Variants in CACNA1H observed in about 807,000 individuals in gnomAD.
CACNA1H encodes calcium voltage-gated channel subunit alpha1 H.
CACNA1H carries 149 observed loss-of-function variants against 192.5 expected under a neutral mutation model. The ratio of observed to expected loss-of-function variants is 0.77; its 90% CI spans 0.68 to 0.89. The LOEUF (loss-of-function observed/expected upper bound fraction) is 0.89, where lower values mean the gene tolerates loss of function less well. Among genes scored for constraint, CACNA1H ranks in the 40% least tolerant of loss-of-function variants. The pLI is 0.00. For synonymous variants in CACNA1H, 2,202 were observed against 1,475.2 expected, an observed-to-expected ratio of 1.49 and a Z score of -11.29; for missense variants, 4,257 against 3,423.5, an observed-to-expected ratio of 1.24 and a Z score of -6.08.
chr16:1,180,661 G>A lies in CACNA1H; in HGVS notation c.300-14311G>A, dbSNP rs1011589242. On this transcript the variant is annotated intron_variant, in intron 2 of 34. Coordinates refer to ENST00000348261, the MANE Select transcript of CACNA1H (RefSeq NM_021098.3). This position sits in a 1 kb window ranked among gnomAD's most constrained non-coding sequence, Gnocchi z 4.4. Reference sequence around the variant, plus strand: ...GCCTTGGCTTTCCCGGGGCAGGTAGGGAGGGGCCTGGGCAGGGCGGGGCAG... The same window carrying A: ...GCCTTGGCTTTCCCGGGGCAGGTAGAGAGGGGCCTGGGCAGGGCGGGGCAG... 5.3e-5 allele frequency among the ~76,000 whole-genome samples: 8 copies of A among 152,154 alleles called. No homozygotes were observed. Among genetic ancestry groups the A allele is most frequent in the African/African-American group, 1.9e-4 (8 of 41,426 alleles).
chr16:1,217,885 C>T (rs1304135254), intron 31 of CACNA1H, 34 bp from the exon 32 acceptor site: 4 of 1,570,710 alleles, frequency 2.5e-6, no homozygotes, highest in Non-Finnish European at 3.5e-6. Flanking sequence ...CCGGAGCGGG[C>T]TCGGCTGACC....
Position 1,195,992 on chromosome 16 carries a change from G to C in CACNA1H, c.612G>C (p.Leu204=). 6.2e-7 allele frequency: 1 copy of C among 1,613,026 alleles called. No homozygotes were observed. Among genetic ancestry groups the C allele is most frequent in the Non-Finnish European group, 8.5e-7 (1 of 1,179,812 alleles). The change falls in exon 5 of 35, where the codon CTG becomes CTC. Residue 204 remains leucine (L), a synonymous_variant. Transcript: ENST00000348261. The part of the protein sequence containing the change: ...SLSAIRTVRV[L]RPLRAINRVP... ...CGGCTATCAGGACCGTGCGGGTGCTGCGGCCCCTCCGCGCCATCAACCGCG... is the reference window on the plus strand; with the variant it reads ...CGGCTATCAGGACCGTGCGGGTGCTCCGGCCCCTCCGCGCCATCAACCGCG...
intron 30 of CACNA1H, 85 bp from the exon 31 acceptor site, chr16:1,216,847 T>A (rs1029773059): frequency 1.8e-6 from 2 of 1,089,316 alleles, no homozygotes; most frequent in Non-Finnish European, 2.7e-6. Context: ...TGGGGTCTGG[T>A]GGCCGAGGCG....
Position 1,210,884 on chromosome 16 carries a change from T to C in CACNA1H, c.4136T>C (p.Ile1379Thr), listed in dbSNP as rs1969361644. ...GLLVLVSLVDIVVAMASAGGA... is the reference protein window; with the variant it reads ...GLLVLVSLVDTVVAMASAGGA... The stretch of plus-strand genomic sequence containing the variant: ...CTGGTGCTGGTGTCCCTGGTGGACA[T>C]TGTCGTGGCCATGGCCTCGGCTGGT... Residue 1379 changes from isoleucine to threonine, a missense_variant, in exon 21 of 35, where the codon ATT becomes ACT. Transcript: ENST00000348261. 6.2e-7 allele frequency: 1 copy of C among 1,605,428 alleles called. No homozygotes were observed. Among genetic ancestry groups the C allele is most frequent in the Non-Finnish European group, 8.5e-7 (1 of 1,179,714 alleles).
chr16:1,210,348 T>TCCCCCCCCC, intron 18 of CACNA1H, 22 bp from the exon 19 acceptor site: 15 of 277,474 alleles, frequency 5.4e-5, no homozygotes, highest in East Asian at 2.0e-4. Flanking sequence ...GCCCCACCTC[T>TCCCCCCCCC]CACCCGCCCC....
rs1313247616 is a variant in CACNA1H at position 1,202,002 on chromosome 16, G to A, written c.1552G>A (p.Val518Ile). The stretch of plus-strand genomic sequence containing the variant: ...GCACACAGCCTCGGTGCACCACCTG[G>A]TCTACCACCACCATCACCACCACCA... The part of the protein sequence containing the change: ...GRHTASVHHL[V>I]YHHHHHHHHH... Residue 518 changes from valine (V) to isoleucine (I), a missense_variant, in exon 9 of 35, where the codon GTC becomes ATC. Physicochemically the swap from Val to Ile is conservative, Grantham distance 29 (BLOSUM62 3). Transcript: ENST00000348261. 4 of 1,538,810 alleles carry A rather than the reference G, an allele frequency of 2.6e-6. No individual in the cohort carries two copies. The highest frequency in any genetic ancestry group is 3.5e-6 in the Non-Finnish European group (4 of 1,143,720).
Position 1,215,559 on chromosome 16 carries a change from C to T in CACNA1H, c.5210C>T (p.Ala1737Val). 2 of 1,611,896 alleles carry T rather than the reference C, an allele frequency of 1.2e-6. No homozygotes were observed. The highest frequency in any genetic ancestry group is 1.7e-6 in the Non-Finnish European group (2 of 1,179,568). Residue 1737 changes from alanine to valine, a missense_variant, in exon 30 of 35, where the codon GCC becomes GTC. Transcript: ENST00000348261. ...CTGAAGATGGCTACGGGCATGCGCG[C>T]CCTGCTGGACACTGTGGTGCAAGCT... ...KLLKMATGMRALLDTVVQALP... is the reference protein window; with the variant it reads ...KLLKMATGMRVLLDTVVQALP...
Position 1,188,199 on chromosome 16 carries a change from G to A in CACNA1H, c.300-6773G>A, listed in dbSNP as rs149116119. Among the ~76,000 whole-genome samples the A allele has an allele frequency of 3.3e-5, 5 of 152,324 alleles. No homozygotes were observed. The East Asian group carries it at 5.8e-4, about 18-fold the overall frequency. ...CGGGGAGGCCCTGGCCCCAGGATAC[G>A]TGAGCCAGCGGGTCTGGGCGGTCCT... On this transcript the variant is annotated intron_variant, in intron 2 of 34. Transcript: ENST00000348261.
chr16:1,220,953 G>A lies in CACNA1H; in HGVS notation c.7021G>A (p.Ala2341Thr). ...TCTGGAGAAACCAGGGTCCCCCTCA[G>A]CCACCCCTGCCCCAGGGGGTGGTGC... ...CPLEKPGSPS[A>T]TPAPGGGADD... Residue 2341 changes from alanine (A) to threonine (T), a missense_variant, in exon 35 of 35, where the codon GCC becomes ACC. Transcript: ENST00000348261. The A allele has an allele frequency of 6.2e-7, 1 of 1,606,402 alleles. No homozygotes were observed.
chr16:1,161,489 T>C (rs1415467272), intron 2 of CACNA1H, among the ~76,000 whole-genome samples: 3 of 152,130 alleles, frequency 2.0e-5, no homozygotes, highest in Admixed American at 1.3e-4. Flanking sequence ...AGGTGGTCTT[T>C]AGTAGCCCCA....
chr16:1,179,725 G>T (rs761366901), intron 2 of CACNA1H, among the ~76,000 whole-genome samples: 1 of 147,438 alleles, frequency 6.8e-6, no homozygotes, highest in African/African-American at 2.5e-5. Flanking sequence ...CACCACGCCC[G>T]GCCTCTTTTT....
chr16:1,210,424 C>A lies in CACNA1H; in HGVS notation c.3900C>A (p.Val1300=), dbSNP rs747491713. The part of the protein sequence containing the change: ...VITHKMFDHV[V]LVFIFLNCVT... ...CACACAAGATGTTTGATCACGTGGT[C>A]CTCGTCTTCATCTTCCTCAACTGCG... The change falls in exon 19 of 35, where the codon GTC becomes GTA. Residue 1300 remains valine (V), a synonymous_variant. Transcript: ENST00000348261. The A allele has an allele frequency of 4.7e-6, 7 of 1,483,530 alleles. No homozygotes were observed. Among genetic ancestry groups the A allele is most frequent in the Non-Finnish European group, 6.4e-6 (7 of 1,100,774 alleles). The allele number at this position is 1,483,530 out of a possible 1,614,324, so 91.9% of individuals were successfully genotyped here.
chr16:1,168,474 G>T (rs1274283475), intron 2 of CACNA1H, among the ~76,000 whole-genome samples: 1 of 152,010 alleles, frequency 6.6e-6, no homozygotes, highest in Non-Finnish European at 1.5e-5. Context: ...GGCTGCTCTG[G>T]GGGACCCTCC....
At chr16:1,191,292 G>T (rs1966593049) in intron 2 of CACNA1H, among the ~76,000 whole-genome samples, 1 of 105,888 alleles carries the variant, frequency 9.4e-6, no homozygotes, top group Non-Finnish European at 1.8e-5. Context: ...CACACTCGGG[G>T]TCTCTCTTAC....
intron 2 of CACNA1H, chr16:1,158,065 C>G (rs928723144): frequency 6.6e-6 from 1 of 152,320 alleles, no homozygotes; most frequent in Non-Finnish European, 1.5e-5. Context: ...ATCCATTAGT[C>G]TCTGAAGCCA....
chr16:1,208,102 G>A lies in CACNA1H; in HGVS notation c.3244G>A (p.Ala1082Thr). 6.3e-7 allele frequency: 1 copy of A among 1,596,244 alleles called. No homozygotes were observed. The change falls in exon 16 of 35, where the codon GCC becomes ACC. Residue 1082 changes from alanine to threonine, a missense_variant. Ala to Thr is a moderately conservative substitution (Grantham distance 58, BLOSUM62 0). Transcript: ENST00000348261. ...CCCTCCCCTCATCATGTGCACAGCT[G>A]CCACGCCCATGCCTACCCCCAAGAG... ...LSPPLIMCTA[A>T]TPMPTPKSSP... is the part of the protein sequence containing the mutation.
intron 2 of CACNA1H, chr16:1,158,019 C>T (rs1481441307): frequency 6.6e-6 from 1 of 152,134 alleles, no homozygotes; most frequent in Non-Finnish European, 1.5e-5. Flanking sequence ...GGCGCCCTTG[C>T]CCGCATTCTG....
chr16:1,185,022 G>A lies in CACNA1H; in HGVS notation c.300-9950G>A, dbSNP rs543804486. On this transcript the variant is annotated intron_variant, in intron 2 of 34. Transcript: ENST00000348261. Reference sequence around the variant, plus strand: ...GTTTCCCTCACTCCAGAAGGAAACCGCATCCCCATCAGCCCTCGCTGCCCA... The same window carrying A: ...GTTTCCCTCACTCCAGAAGGAAACCACATCCCCATCAGCCCTCGCTGCCCA... Among the ~76,000 whole-genome samples the A allele has an allele frequency of 8.5e-5, 13 of 152,246 alleles. No individual in the cohort carries two copies. In the South Asian group the frequency reaches 1.2e-3, roughly 15 times the overall value.
At chr16:1,217,316 C>T (rs1970109071) in intron 31 of CACNA1H, among the ~76,000 whole-genome samples, 1 of 152,250 alleles carries the variant, frequency 6.6e-6, no homozygotes, top group Non-Finnish European at 1.5e-5. Context: ...CGTGCACACA[C>T]AGACATCTGG....
Sources: gnomAD v4.1 joint callset for allele counts (sites outside exome capture counted in the v4.1 genomes callset) on GRCh38, gnomAD v4.1.1 for gene constraint, Gnocchi (gnomAD v3.1) non-coding constraint, MANE v1.5 for transcripts, NCBI Gene and HGNC (gene_info 2026-07-23, HGNC 2026-07-21) for gene names.